The following TMEM255B variants were observed in gnomAD, a reference collection of about 807,000 sequenced individuals.
TMEM255B encodes transmembrane protein 255B.
Under a neutral mutation model 34.5 loss-of-function variants are expected in TMEM255B, and 35 were observed. The ratio of observed to expected loss-of-function variants is 1.01; its 90% CI spans 0.77 to 1.34. The LOEUF (loss-of-function observed/expected upper bound fraction) is 1.34. TMEM255B is among the 40% of genes most tolerant of loss of function. The pLI, the probability that TMEM255B is intolerant of heterozygous loss-of-function variation, is 0.00. For synonymous variants in TMEM255B, 206 were observed against 201.2 expected (o/e 1.02, Z -0.20); for missense variants, 432 against 433.2 (o/e 1.00, Z 0.02).
chr13:113,776,716 G>A (rs1445559160), intron 3 of TMEM255B, among the ~76,000 whole-genome samples: 1 of 152,204 alleles, frequency 6.6e-6, no homozygotes, highest in African/African-American at 2.4e-5. Flanking sequence ...CAGAGGGGTC[G>A]CTGACCTGGA....
At chr13:113,804,163 G>A (rs368938981) in intron 7 of TMEM255B, among the ~76,000 whole-genome samples, 58 of 152,256 alleles carry the variant, frequency 3.8e-4, no homozygotes, top group African/African-American at 1.3e-3. Context: ...GTGAGCCATG[G>A]GCCCCTCCCT....
intron 3 of TMEM255B, among the ~76,000 whole-genome samples, chr13:113,775,514 A>G (rs2050561383): frequency 6.6e-6 from 1 of 152,232 alleles, no homozygotes; most frequent in Non-Finnish European, 1.5e-5. Flanking sequence ...GTCACCGGTG[A>G]GGACACTGTG....
Position 113,769,240 on chromosome 13 carries a change from G to A in TMEM255B, c.252+80G>A. ...CAGCTGCACTGGGGCTCTGAGAAGA[G>A]TCAGCCCTGCCTCCCCAGCACACTG... is the stretch of plus-strand genomic sequence containing the variant. On this transcript the variant is annotated intron_variant, in intron 3 of 8. Transcript: ENST00000375353. This position sits in a 1 kb window ranked among gnomAD's most constrained non-coding sequence, Gnocchi z 4.2. 3 of 1,517,796 alleles carry A rather than the reference G, an allele frequency of 2.0e-6. No homozygotes were observed. In the South Asian group the frequency reaches 3.4e-5, roughly 17 times the overall value. 94.0% of individuals were successfully genotyped at this position (1,517,796 alleles called of 1,614,324 possible).
intron 7 of TMEM255B, among the ~76,000 whole-genome samples, chr13:113,804,683 C>T (rs1279866134): frequency 2.1e-5 from 3 of 141,834 alleles, no homozygotes; most frequent in African/African-American, 5.3e-5. Context: ...AAACGCACGC[C>T]GGGCCGGGGT....
Position 113,811,787 on chromosome 13 carries a change from G to A in TMEM255B, c.865G>A (p.Asp289Asn), listed in dbSNP as rs752734123. The change falls in exon 9 of 9, where the codon GAC becomes AAC. Residue 289 changes from aspartate (D) to asparagine (N), a missense_variant. Asp to Asn is a conservative substitution (Grantham distance 23). Coordinates refer to ENST00000375353, the MANE Select transcript of TMEM255B (RefSeq NM_182614.4). ...APSSALASSE[D>N]LQPPSPSSSG... ...CTCCTCTGCCCTGGCTTCGTCTGAG[G>A]ACCTGCAGCCCCCTTCTCCAAGCAG... The A allele has an allele frequency of 4.3e-6, 7 of 1,613,888 alleles. 2 individuals are homozygous for A. The South Asian group carries it at 7.7e-5, about 18-fold the overall frequency.
intron 4 of TMEM255B, among the ~76,000 whole-genome samples, chr13:113,796,165 TAGCACACACCACACAACACACAG>T (rs2050929539): frequency 2.0e-5 from 1 of 49,708 alleles, no homozygotes; most frequent in Non-Finnish European, 3.7e-5. Context: ...ACAGAGCACA[TAGCACACACCACACAACACACAG>T]AGCACACAGC....
chr13:113,774,563 C>A (rs2050528760), intron 3 of TMEM255B, among the ~76,000 whole-genome samples: 1 of 144,906 alleles, frequency 6.9e-6, no homozygotes, highest in South Asian at 2.1e-4. Context: ...CACACACACA[C>A]AACACACATG....
At chr13:113,779,451 T>G (rs2050633433) in intron 3 of TMEM255B, among the ~76,000 whole-genome samples, 1 of 152,118 alleles carries the variant, frequency 6.6e-6, no homozygotes, top group African/African-American at 2.4e-5. Context: ...GGTGGATTTG[T>G]TCCCGGAAGC....
At chr13:113,790,112 G>A (rs1237951212) in intron 3 of TMEM255B, among the ~76,000 whole-genome samples, 4 of 148,830 alleles carry the variant, frequency 2.7e-5, no homozygotes, top group Admixed American at 2.7e-4. Flanking sequence ...TGGACTGACC[G>A]GGCACATGGA....
chr13:113,805,497 A>G (rs1180872457), intron 8 of TMEM255B, among the ~76,000 whole-genome samples: 1 of 152,122 alleles, frequency 6.6e-6, no homozygotes, highest in Admixed American at 6.5e-5. Flanking sequence ...GGGAGAGGCC[A>G]TGGTGGGGGG....
At chr13:113,772,031 T>A (rs1404164993) in intron 3 of TMEM255B, among the ~76,000 whole-genome samples, 1 of 152,238 alleles carries the variant, frequency 6.6e-6, no homozygotes, top group Non-Finnish European at 1.5e-5. Context: ...TGTTTGATTC[T>A]AGCCATCTAA....
intron 1 of TMEM255B, among the ~76,000 whole-genome samples, chr13:113,759,984 G>T (rs1033910927): frequency 6.6e-6 from 1 of 152,186 alleles, no homozygotes; most frequent in Non-Finnish European, 1.5e-5. Context: ...GGGCTCTGCC[G>T]GGAAGTGGCC....
chr13:113,789,902 C>T (rs965004723), intron 3 of TMEM255B, among the ~76,000 whole-genome samples: 2 of 152,086 alleles, frequency 1.3e-5, no homozygotes, highest in African/African-American at 4.8e-5. Flanking sequence ...ACGTGGATGT[C>T]CTAGTGCTGA....
At chr13:113,808,763 G>C (rs916487256) in intron 8 of TMEM255B, among the ~76,000 whole-genome samples, 32 of 110,442 alleles carry the variant, frequency 2.9e-4, no homozygotes, top group African/African-American at 1.1e-3. Flanking sequence ...TTAACTCTGT[G>C]GTTTCTGGCG....
In TMEM255B at chr13:113,797,700, G is replaced by A. The variant is rs191889304; in HGVS notation, c.343-1639G>A. On this transcript the variant is annotated intron_variant, in intron 4 of 8. Transcript: ENST00000375353. ...CAGTGGGGGCCCAAAGGACCGATGA[G>A]TGATTCTCATTCTCATCTGTTGCAG... 2.7e-3 allele frequency among the ~76,000 whole-genome samples: 419 copies of A among 152,376 alleles called. 8 individuals are homozygous for A. The highest frequency in any genetic ancestry group is 1.0e-3 in the Non-Finnish European group (68 of 68,042).
intron 1 of TMEM255B, among the ~76,000 whole-genome samples, chr13:113,760,418 A>C (rs66913836): frequency 0.15 from 23,442 of 152,234 alleles, 1,981 homozygotes; most frequent in Middle Eastern, 0.23. Context: ...TAAAAATAGC[A>C]TCTGACTTAG....
intron 1 of TMEM255B, among the ~76,000 whole-genome samples, chr13:113,765,773 A>T (rs1187654707): frequency 6.6e-6 from 1 of 152,212 alleles, no homozygotes; most frequent in African/African-American, 2.4e-5. Flanking sequence ...TAAACAAAAG[A>T]TGCTCCTGTC....
At chr13:113,795,421 C>T (rs2050904704) in intron 4 of TMEM255B, among the ~76,000 whole-genome samples, 184 bp downstream of exon 4, 1 of 152,166 alleles carries the variant, frequency 6.6e-6, no homozygotes, top group African/African-American at 2.4e-5. Flanking sequence ...GAACTTCCCT[C>T]TCCACACAGA....
chr13:113,791,136 G>A (rs1384579749), intron 3 of TMEM255B, among the ~76,000 whole-genome samples: 3 of 152,174 alleles, frequency 2.0e-5, no homozygotes, highest in Admixed American at 6.5e-5. Context: ...ACCTCTCAAC[G>A]GTCTGGGCCT....
Sources: gnomAD v4.1 joint callset for allele counts (sites outside exome capture counted in the v4.1 genomes callset) on GRCh38, gnomAD v4.1.1 for gene constraint, Gnocchi (gnomAD v3.1) non-coding constraint, MANE v1.5 for transcripts, NCBI Gene and HGNC (gene_info 2026-07-23, HGNC 2026-07-21) for gene names.